The following STX8 variants were observed in gnomAD, a reference collection of about 807,000 sequenced individuals.
STX8 encodes syntaxin 8, also known as syntaxin-8.
STX8 carries 23 observed loss-of-function variants against 37.5 expected under a neutral mutation model. That is an observed-to-expected ratio of 0.61 (90% CI 0.44 to 0.87). The LOEUF (loss-of-function observed/expected upper bound fraction) is 0.87. STX8 is among the 40% of genes least tolerant of loss of function. STX8 has a pLI of 0.00. For missense variants in STX8, 313 were observed against 284.7 expected, an observed-to-expected ratio of 1.10 and a Z score of -0.71; for synonymous variants, 115 against 99.1, an observed-to-expected ratio of 1.16 and a Z score of -0.95.
intron 6 of STX8, among the ~76,000 whole-genome samples, chr17:9,430,638 AGTGG>A (rs1913925021): frequency 4.2e-5 from 6 of 143,022 alleles, no homozygotes; most frequent in Non-Finnish European, 9.0e-5. Flanking sequence ...AGTTGGGCTC[AGTGG>A]TTTTGGCTTT....
intron 6 of STX8, among the ~76,000 whole-genome samples, chr17:9,448,058 C>A (rs1327263638): frequency 1.3e-5 from 2 of 151,366 alleles, no homozygotes; most frequent in African/African-American, 2.4e-5. Context: ...GCCTGTAGTC[C>A]CAGCTACTTG....
intron 6 of STX8, among the ~76,000 whole-genome samples, chr17:9,453,818 T>A (rs1905114124): frequency 6.6e-6 from 1 of 152,146 alleles, no homozygotes; most frequent in Non-Finnish European, 1.5e-5. Context: ...GGAGGATTTT[T>A]AATAACTATG....
chr17:9,356,580 A>G (rs1270691378), intron 7 of STX8, among the ~76,000 whole-genome samples: 2 of 152,122 alleles, frequency 1.3e-5, no homozygotes, highest in African/African-American at 2.4e-5. Flanking sequence ...GCTTCCTGTT[A>G]TGTTCTGCCA....
chr17:9,557,654 C>T, intron 2 of STX8, 126 bp from the exon 3 acceptor site: 2 of 769,152 alleles, frequency 2.6e-6, no homozygotes, highest in East Asian at 2.9e-5. Flanking sequence ...GATAGATACT[C>T]AGCCCCTCAC....
At chr17:9,428,552 T>G (rs1179719636) in intron 6 of STX8, among the ~76,000 whole-genome samples, 1 of 152,228 alleles carries the variant, frequency 6.6e-6, no homozygotes, top group African/African-American at 2.4e-5. Context: ...GAAATGATTC[T>G]TAATCTCTCT....
At chr17:9,439,081 A>G (rs1239986193) in intron 6 of STX8, among the ~76,000 whole-genome samples, 1 of 152,184 alleles carries the variant, frequency 6.6e-6, no homozygotes, top group African/African-American at 2.4e-5. Flanking sequence ...TTTTTTTTCA[A>G]CCATTTAAAA....
chr17:9,441,209 C>A (rs1002356411), intron 6 of STX8, among the ~76,000 whole-genome samples: 2 of 151,900 alleles, frequency 1.3e-5, no homozygotes, highest in African/African-American at 4.8e-5. Flanking sequence ...TAGTCAAATA[C>A]GGCTGGGCAC....
chr17:9,550,542 C>T (rs1048590129), intron 3 of STX8, among the ~76,000 whole-genome samples: 1 of 151,850 alleles, frequency 6.6e-6, no homozygotes, highest in Non-Finnish European at 1.5e-5. Flanking sequence ...CCACTGCACT[C>T]GAGCCTGGGT....
chr17:9,545,404 G>T, intron 3 of STX8, 122 bp from the exon 4 acceptor site: 1 of 688,164 alleles, frequency 1.5e-6, no homozygotes. Flanking sequence ...CTACCCAGAA[G>T]GGATGCGCAC....
At chr17:9,441,478 A>G (rs1489602135) in intron 6 of STX8, among the ~76,000 whole-genome samples, 1 of 140,658 alleles carries the variant, frequency 7.1e-6, no homozygotes, top group African/African-American at 2.6e-5. Context: ...ACAGAGCGAG[A>G]CTCCATCTAA....
At chr17:9,282,193 C>T (rs181562776) in intron 7 of STX8, among the ~76,000 whole-genome samples, 124 of 152,238 alleles carry the variant, frequency 8.1e-4, no homozygotes, top group African/African-American at 2.7e-3. Context: ...AGTGCAGTGG[C>T]GTGATCTTGG....
At chr17:9,493,983 C>G (rs1208834675) in intron 5 of STX8, among the ~76,000 whole-genome samples, 2 of 91,302 alleles carry the variant, frequency 2.2e-5, no homozygotes, top group African/African-American at 4.4e-5. Flanking sequence ...GAAAGAAGTT[C>G]ATATGTTTTG....
chr17:9,385,879 T>C (rs1299987821), intron 6 of STX8, among the ~76,000 whole-genome samples: 1 of 152,176 alleles, frequency 6.6e-6, no homozygotes, highest in Non-Finnish European at 1.5e-5. Flanking sequence ...TTCAAGCAAT[T>C]CTCCAGCCTC....
rs185348368 is a variant in STX8, at chr17:9,422,315, C to T, written c.542-43662G>A. On this transcript the variant is annotated intron_variant, in intron 6 of 7. Coordinates refer to ENST00000306357, the MANE Select transcript of STX8 (RefSeq NM_004853.3). ...AGAGACAGGGTTTCACTGTTTTGGC[C>T]AGGCTGGTCTTGAACTTCTGACCTC... 5.9e-5 allele frequency among the ~76,000 whole-genome samples: 9 copies of T among 152,232 alleles called. No homozygotes were observed. The East Asian group carries it at 1.4e-3, about 23-fold the overall frequency.
intron 6 of STX8, among the ~76,000 whole-genome samples, chr17:9,472,024 C>T (rs1905887673): frequency 6.8e-6 from 1 of 147,958 alleles, no homozygotes; most frequent in South Asian, 2.1e-4. Flanking sequence ...ATACCCCACA[C>T]AGATCATAAT....
chr17:9,545,960 T>C (rs1240410354), intron 3 of STX8, among the ~76,000 whole-genome samples: 2 of 152,196 alleles, frequency 1.3e-5, no homozygotes, highest in Non-Finnish European at 2.9e-5. Flanking sequence ...GAGTTATATG[T>C]GTGTGTCAGT....
chr17:9,266,215 A>G (rs1361027289), intron 7 of STX8, among the ~76,000 whole-genome samples: 3 of 152,182 alleles, frequency 2.0e-5, no homozygotes, highest in Non-Finnish European at 4.4e-5. Flanking sequence ...GGAGTGGAGA[A>G]AAAGGAGATT....
At chr17:9,502,152 C>G (rs1406266179) in intron 5 of STX8, among the ~76,000 whole-genome samples, 1 of 152,116 alleles carries the variant, frequency 6.6e-6, no homozygotes, top group Non-Finnish European at 1.5e-5. Context: ...GGAGGTTCTT[C>G]AAAAAATTAA....
chr17:9,365,305 C>T (rs754403930), intron 7 of STX8, among the ~76,000 whole-genome samples: 3 of 152,226 alleles, frequency 2.0e-5, no homozygotes, highest in Non-Finnish European at 4.4e-5. Context: ...AAAAATCTGC[C>T]GTTGACGGCT....
Sources: gnomAD v4.1 joint callset for allele counts (sites outside exome capture counted in the v4.1 genomes callset) on GRCh38, gnomAD v4.1.1 for gene constraint, MANE v1.5 for transcripts, NCBI Gene and HGNC (gene_info 2026-07-23, HGNC 2026-07-21) for gene names.